Variants in HERC3 observed in about 807,000 individuals in gnomAD.
HERC3 encodes probable E3 ubiquitin-protein ligase HERC3.
A neutral mutation model predicts 129.9 loss-of-function variants in HERC3; 58 were observed. The ratio of observed to expected loss-of-function variants is 0.45; its 90% CI spans 0.36 to 0.56. The LOEUF (loss-of-function observed/expected upper bound fraction) is 0.56, where lower values mean the gene tolerates loss of function less well. Ranked by LOEUF, HERC3 falls within the 20% of genes least tolerant of loss-of-function variation. The pLI, the probability that HERC3 is intolerant of heterozygous loss-of-function variation, is 0.00. For synonymous variants in HERC3, 430 were observed against 451.0 expected, an observed-to-expected ratio of 0.95 and a Z score of 0.59; for missense variants, 835 against 1,244.2, an observed-to-expected ratio of 0.67 and a Z score of 4.95.
At chr4:88,536,008 C>T in the HERC3 span, among the ~76,000 whole-genome samples, 21 of 152,194 alleles carry the variant, frequency 1.4e-4, no homozygotes, top group Non-Finnish European at 2.1e-4. Flanking sequence ...GGATGACCTA[C>T]CTCAATGCAC....
At chr4:88,662,022 C>G (rs887458400) in intron 10 of HERC3, among the ~76,000 whole-genome samples, 2 of 152,082 alleles carry the variant, frequency 1.3e-5, no homozygotes, top group Non-Finnish European at 2.9e-5. Context: ...AGAGTGCTTT[C>G]TAGAAGAACA....
At chr4:88,705,853 G>C (rs1578361395) in intron 25 of HERC3, among the ~76,000 whole-genome samples, 1 of 152,152 alleles carries the variant, frequency 6.6e-6, no homozygotes, top group East Asian at 1.9e-4. Context: ...TCACATGGGA[G>C]CAAGGATGAG....
At chr4:88,641,219 A>G (rs756985652) in intron 3 of HERC3, among the ~76,000 whole-genome samples, 3 of 152,240 alleles carry the variant, frequency 2.0e-5, no homozygotes, top group Admixed American at 6.5e-5. Flanking sequence ...CAATGAGTCA[A>G]AGAGGAAGTC....
intron 21 of HERC3, among the ~76,000 whole-genome samples, chr4:88,684,130 A>G (rs987486514): frequency 6.6e-6 from 1 of 152,212 alleles, no homozygotes; most frequent in Non-Finnish European, 1.5e-5. Flanking sequence ...CTTAAATTTC[A>G]TATGGAACCA....
At chr4:88,587,499 C>T (rs956921836), upstream of HERC3, among the ~76,000 whole-genome samples, 6 of 152,302 alleles carry the variant, frequency 3.9e-5, no homozygotes, top group South Asian at 2.1e-4. Context: ...AAACATATTA[C>T]GTAATAACAA....
the HERC3 span, among the ~76,000 whole-genome samples, chr4:88,558,230 G>A: frequency 6.6e-6 from 1 of 152,252 alleles, no homozygotes; most frequent in African/African-American, 2.4e-5. Flanking sequence ...ATTAGCCATT[G>A]GGAAGATGTG....
At chr4:88,696,743 G>A (rs1336689181) in intron 23 of HERC3, 1 of 155,082 alleles carries the variant, frequency 6.4e-6, no homozygotes, top group Non-Finnish European at 1.4e-5. Flanking sequence ...CAAAGATGAC[G>A]TTTTTCTTGG....
At chr4:88,681,469 G>A in intron 21 of HERC3, 144 bp downstream of exon 21, 1 of 684,436 alleles carries the variant, frequency 1.5e-6, no homozygotes, top group Non-Finnish European at 2.4e-6. Flanking sequence ...TGTCTAAGAT[G>A]TAGCTGTGCA....
chr4:88,605,751 A>G, intron 2 of HERC3, 44 bp from the exon 3 acceptor site: 13 of 1,175,598 alleles, frequency 1.1e-5, no homozygotes, highest in Admixed American at 2.1e-5. Flanking sequence ...TCTATGACCT[A>G]TTTCTTTTTA....
Position 88,641,203 on chromosome 4 carries a change from A to G in HERC3, c.227-8637A>G, listed in dbSNP as rs145971181. 9.5e-3 allele frequency among the ~76,000 whole-genome samples: 1,443 copies of G among 152,372 alleles called. 21 individuals are homozygous for G. Among genetic ancestry groups the G allele is most frequent in the African/African-American group, 0.032 (1,346 of 41,600 alleles). ...ATTAAAATTAAGCAGCAGCCTTATA[A>G]ATAATCAATGAGTCAAAGAGGAAGT... is the stretch of plus-strand genomic sequence containing the variant. On this transcript the variant is annotated intron_variant, in intron 3 of 25. Coordinates refer to ENST00000402738, the MANE Select transcript of HERC3 (RefSeq NM_014606.3).
At chr4:88,678,424 G>A (rs969401709) in intron 19 of HERC3, among the ~76,000 whole-genome samples, 13 of 152,278 alleles carry the variant, frequency 8.5e-5, no homozygotes, top group African/African-American at 3.1e-4. Flanking sequence ...CAACAGAAAC[G>A]AAAGCTTTGA....
intron 2 of HERC3, among the ~76,000 whole-genome samples, chr4:88,597,411 G>A (rs145549535): frequency 4.6e-5 from 7 of 152,310 alleles, no homozygotes; most frequent in Non-Finnish European, 1.0e-4. Context: ...TAGTACAGGA[G>A]CACCATAGAT....
chr4:88,635,130 G>A (rs781486258), intron 3 of HERC3, among the ~76,000 whole-genome samples: 1 of 151,980 alleles, frequency 6.6e-6, no homozygotes, highest in African/African-American at 2.4e-5. Context: ...CAGCAAGGGC[G>A]CAGAACTGTA....
chr4:88,538,867 C>T, the HERC3 span, among the ~76,000 whole-genome samples: 8 of 152,056 alleles, frequency 5.3e-5, no homozygotes, highest in Non-Finnish European at 1.0e-4. Flanking sequence ...TATAAGACAT[C>T]TGTCATATTG....
chr4:88,585,891 A>G, the HERC3 span, among the ~76,000 whole-genome samples: 1 of 152,226 alleles, frequency 6.6e-6, no homozygotes, highest in Admixed American at 6.5e-5. Context: ...ACTTAAAATG[A>G]CTTACAAAAT....
chr4:88,646,432 G>T (rs985888414), intron 3 of HERC3, among the ~76,000 whole-genome samples: 5 of 152,188 alleles, frequency 3.3e-5, no homozygotes, highest in Non-Finnish European at 5.9e-5. Flanking sequence ...GACTTGTTCA[G>T]AACTGGAAAC....
At chr4:88,697,314 G>A (rs1160255166) in intron 23 of HERC3, 1 of 1,610,266 alleles carries the variant, frequency 6.2e-7, no homozygotes, top group East Asian at 2.2e-5. Flanking sequence ...CCTCCTCCTC[G>A]TCATCCTCGT....
At chr4:88,634,700 C>T (rs2149247052) in intron 3 of HERC3, among the ~76,000 whole-genome samples, 1 of 151,386 alleles carries the variant, frequency 6.6e-6, no homozygotes, top group East Asian at 1.9e-4. Context: ...GACCCCACCC[C>T]CGCCCCCGCC....
At position 88,592,493 on chromosome 4, in the gene HERC3, C is replaced by G. The variant is rs933425214; in HGVS notation, c.-169C>G. On this transcript the variant is annotated 5_prime_UTR_variant, in exon 1 of 26. Coordinates refer to ENST00000402738, the MANE Select transcript of HERC3 (RefSeq NM_014606.3). The stretch of plus-strand genomic sequence containing the variant: ...CGGGGAAACTTCCTTATTATTGTGA[C>G]GCCGAAAACGGAGAAACCCCGGGTC... 1 of 152,308 alleles carries G rather than the reference C, an allele frequency of 6.6e-6. No homozygotes were observed. Among genetic ancestry groups the G allele is most frequent in the Non-Finnish European group, 1.5e-5 (1 of 68,126 alleles). The allele number at this position is 152,308 out of a possible 1,614,324, so 9.4% of individuals were successfully genotyped here. A position where few individuals can be genotyped will look rare whatever the true frequency, so the allele number is the denominator to read the frequency against.
Sources: gnomAD v4.1 joint callset for allele counts (sites outside exome capture counted in the v4.1 genomes callset) on GRCh38, gnomAD v4.1.1 for gene constraint, MANE v1.5 for transcripts, NCBI Gene and HGNC (gene_info 2026-07-23, HGNC 2026-07-21) for gene names.